Variants in ADGB observed in about 807,000 individuals in gnomAD.
The protein encoded by ADGB is androglobin, also known as calpain-7-like protein.
In ADGB, 172 loss-of-function variants were observed where a neutral mutation model predicts 210.5. The ratio of observed to expected loss-of-function variants is 0.82; its 90% CI spans 0.72 to 0.93. ADGB has a LOEUF of 0.93. ADGB is among the 40% of genes least tolerant of loss of function. The pLI is 0.00. For synonymous variants in ADGB, 658 were observed against 662.7 expected, an observed-to-expected ratio of 0.99 and a Z score of 0.11; for missense variants, 2,025 against 1,964.8, an observed-to-expected ratio of 1.03 and a Z score of -0.58.
intron 1 of ADGB, among the ~76,000 whole-genome samples, chr6:146,631,684 C>A (rs1242728486): frequency 6.6e-6 from 1 of 152,042 alleles, no homozygotes; most frequent in African/African-American, 2.4e-5. Flanking sequence ...AATGTTCCTA[C>A]CACAGTGGAG....
intron 13 of ADGB, among the ~76,000 whole-genome samples, chr6:146,705,495 G>A (rs1776557014): frequency 6.6e-6 from 1 of 152,060 alleles, no homozygotes; most frequent in South Asian, 2.1e-4. Context: ...AAAGGATGTT[G>A]AATTTTGTGA....
chr6:146,740,974 G>T, intron 24 of ADGB, 144 bp from the exon 25 acceptor site: 2 of 576,914 alleles, frequency 3.5e-6, no homozygotes, highest in Non-Finnish European at 5.5e-6. Context: ...CATATTAATA[G>T]TAATTTTTAA....
intron 35 of ADGB, among the ~76,000 whole-genome samples, chr6:146,810,266 C>T (rs1450370902): frequency 6.6e-6 from 1 of 152,152 alleles, no homozygotes; most frequent in Non-Finnish European, 1.5e-5. Flanking sequence ...TCTCACCTCA[C>T]ACCTGTTAAG....
At chr6:146,615,325 A>G (rs1780782201) in intron 1 of ADGB, among the ~76,000 whole-genome samples, 1 of 152,000 alleles carries the variant, frequency 6.6e-6, no homozygotes, top group Non-Finnish European at 1.5e-5. Context: ...ATCACTTCCC[A>G]CCAGGCCCCA....
intron 27 of ADGB, among the ~76,000 whole-genome samples, chr6:146,754,949 A>C (rs1217409462): frequency 1.3e-5 from 2 of 152,014 alleles, no homozygotes; most frequent in Admixed American, 1.3e-4. Flanking sequence ...CTGGTGTGAA[A>C]ATTTCTTAGT....
At position 146,730,575 on chromosome 6, in the gene ADGB, G is replaced by A. The variant is rs1776967051; in HGVS notation, c.2520+1834G>A. Among the ~76,000 whole-genome samples the A allele has an allele frequency of 1.3e-5, 2 of 152,158 alleles. 1 individual carries two copies. The highest frequency in any genetic ancestry group is 2.9e-5 in the Non-Finnish European group (2 of 68,024). ...ATACAATTGTAACACCTTCATATCA[G>A]CAAGGTACCTACCAATGGTAGTCTC... is the stretch of plus-strand genomic sequence containing the variant. On this transcript the variant is annotated intron_variant, in intron 20 of 35. Coordinates refer to ENST00000397944, the MANE Select transcript of ADGB (RefSeq NM_024694.4).
At chr6:146,802,887 A>G (rs1213036866) in intron 35 of ADGB, 1 of 1,610,342 alleles carries the variant, frequency 6.2e-7, no homozygotes, top group African/African-American at 1.3e-5. Flanking sequence ...TGTTCCCATA[A>G]TCCACTTAAT....
At chr6:146,812,357 A>C (rs572248184) in intron 35 of ADGB, among the ~76,000 whole-genome samples, 21 of 36,678 alleles carry the variant, frequency 5.7e-4, no homozygotes, top group Non-Finnish European at 8.0e-4. Flanking sequence ...GGGGGTGCCC[A>C]AAAAAAAATA....
At chr6:146,692,748 T>C in intron 11 of ADGB, 77 bp from the exon 12 acceptor site, 1 of 740,510 alleles carries the variant, frequency 1.4e-6, no homozygotes, top group Non-Finnish European at 2.2e-6. Flanking sequence ...CAGCACTGTA[T>C]TAAATGTTAA....
At chr6:146,662,005 A>C (rs1775867826) in intron 5 of ADGB, among the ~76,000 whole-genome samples, 1 of 152,096 alleles carries the variant, frequency 6.6e-6, no homozygotes, top group Admixed American at 6.6e-5. Flanking sequence ...CCTGGTGAGC[A>C]ATCTGTCCTT....
intron 22 of ADGB, among the ~76,000 whole-genome samples, chr6:146,735,842 T>C (rs1401472510): frequency 1.3e-5 from 2 of 152,216 alleles, no homozygotes; most frequent in Non-Finnish European, 1.5e-5. Context: ...ATGTTACATA[T>C]TTTGGCCTTA....
chr6:146,623,881 G>A (rs1015697352), intron 1 of ADGB, among the ~76,000 whole-genome samples: 1 of 151,816 alleles, frequency 6.6e-6, no homozygotes, highest in Non-Finnish European at 1.5e-5. Context: ...TACATTGATT[G>A]ATTATCATAT....
intron 29 of ADGB, among the ~76,000 whole-genome samples, chr6:146,773,878 T>C (rs1426056291): frequency 6.6e-6 from 1 of 152,162 alleles, no homozygotes; most frequent in Non-Finnish European, 1.5e-5. Flanking sequence ...TTGACCCAAT[T>C]AATCTTCCCA....
At chr6:146,805,883 T>G (rs1778205004) in intron 35 of ADGB, among the ~76,000 whole-genome samples, 1 of 152,218 alleles carries the variant, frequency 6.6e-6, no homozygotes, top group African/African-American at 2.4e-5. Context: ...CATATGAAAA[T>G]GTAGATATAT....
intron 1 of ADGB, among the ~76,000 whole-genome samples, chr6:146,629,137 T>C (rs1325285149): frequency 2.0e-5 from 3 of 152,168 alleles, no homozygotes; most frequent in Non-Finnish European, 4.4e-5. Context: ...ATTGAAATAT[T>C]TAAATATTGA....
chr6:146,782,222 A>C (rs1325701), intron 30 of ADGB, 30 bp downstream of exon 30: 2 of 1,486,822 alleles, frequency 1.3e-6, no homozygotes, highest in Non-Finnish European at 1.8e-6. Context: ...TATTTGAGTG[A>C]CTTAATGATT....
At chr6:146,667,397 C>T (rs1188534982) in intron 7 of ADGB, among the ~76,000 whole-genome samples, 3 of 152,062 alleles carry the variant, frequency 2.0e-5, no homozygotes, top group African/African-American at 7.2e-5. Flanking sequence ...CAGTGGTTAA[C>T]ACCTGTTCTC....
chr6:146,809,501 C>T lies in ADGB; in HGVS notation c.4819-5531C>T, dbSNP rs571349479. 1.6e-4 allele frequency among the ~76,000 whole-genome samples: 25 copies of T among 152,176 alleles called. 1 individual carries two copies. Among genetic ancestry groups the T allele is most frequent in the African/African-American group, 2.4e-4 (10 of 41,530 alleles). On this transcript the variant is annotated intron_variant, in intron 35 of 35. Transcript: ENST00000397944. ...GATTACAGGCTGGAGCCATGGCACC[C>T]GGCCAATTTCTGTATTTTTTTGTAG... is the stretch of plus-strand genomic sequence containing the variant.
Position 146,653,888 on chromosome 6 carries a change from G to A in ADGB, c.331-247G>A, listed in dbSNP as rs529899493. On this transcript the variant is annotated intron_variant, in intron 3 of 35. Coordinates refer to ENST00000397944, the MANE Select transcript of ADGB (RefSeq NM_024694.4). ...GAATGTGTTTATTTCTTATTTCTCT[G>A]GTTGTGAGAACTGAAATCAGGGTGG... Among the ~76,000 whole-genome samples, 54 of 151,796 alleles carry A rather than the reference G, an allele frequency of 3.6e-4. 1 individual carries two copies. Among genetic ancestry groups the A allele is most frequent in the Admixed American group, 2.3e-3 (35 of 15,262 alleles).
Sources: allele counts gnomAD v4.1 joint callset (sites outside exome capture counted in the v4.1 genomes callset), GRCh38; gene constraint gnomAD v4.1.1; transcripts MANE v1.5; gene names NCBI Gene and HGNC (gene_info 2026-07-23, HGNC 2026-07-21).